Variants in CADPS observed in about 807,000 individuals in gnomAD.
CADPS encodes calcium-dependent secretion activator 1.
In CADPS, 57 loss-of-function variants were observed where a neutral mutation model predicts 167.3. That is an observed-to-expected ratio of 0.34 (90% CI 0.28 to 0.42). CADPS has a LOEUF of 0.42. Among genes scored for constraint, CADPS ranks in the 20% least tolerant of loss-of-function variants. CADPS has a pLI of 1.00. For missense variants in CADPS, 1,414 were observed against 1,738.1 expected (o/e 0.81, Z 3.32); for synonymous variants, 676 against 635.3 (o/e 1.06, Z -0.96).
chr3:62,558,545 A>G (rs905947615), intron 9 of CADPS, among the ~76,000 whole-genome samples: 1 of 152,182 alleles, frequency 6.6e-6, no homozygotes. Context: ...GACACTTTCT[A>G]AGTGAACTTT....
chr3:62,864,038 T>A (rs1447554609), intron 1 of CADPS, among the ~76,000 whole-genome samples: 1 of 152,234 alleles, frequency 6.6e-6, no homozygotes, highest in African/African-American at 2.4e-5. Context: ...CTCACTGAGA[T>A]AAAGTGCTTA....
At chr3:62,530,058 T>C (rs1387369668) in intron 13 of CADPS, among the ~76,000 whole-genome samples, 1 of 152,118 alleles carries the variant, frequency 6.6e-6, no homozygotes, top group African/African-American at 2.4e-5. Flanking sequence ...ATAAACAAAA[T>C]TTTAGAAGTT....
chr3:62,469,644 A>G, intron 24 of CADPS: 1 of 164,210 alleles, frequency 6.1e-6, no homozygotes, highest in Non-Finnish European at 1.3e-5. Flanking sequence ...AGTAGCTAGG[A>G]CTACAGGTGT....
At chr3:62,737,390 C>A (rs1226096541) in intron 3 of CADPS, among the ~76,000 whole-genome samples, 3 of 151,918 alleles carry the variant, frequency 2.0e-5, no homozygotes, top group Non-Finnish European at 4.4e-5. Flanking sequence ...GATTGCTGAG[C>A]CCAGGAGGTA....
chr3:62,796,714 T>C (rs912063188), intron 1 of CADPS, among the ~76,000 whole-genome samples: 1 of 152,178 alleles, frequency 6.6e-6, no homozygotes, highest in African/African-American at 2.4e-5. Flanking sequence ...TTAAATGACC[T>C]GCATAAATAT....
intron 2 of CADPS, among the ~76,000 whole-genome samples, chr3:62,760,945 A>G (rs747897310): frequency 1.3e-5 from 2 of 152,138 alleles, no homozygotes; most frequent in Non-Finnish European, 2.9e-5. Flanking sequence ...GGGATTGTCA[A>G]TTGTAGGACT....
At chr3:62,558,885 A>G (rs374694128) in intron 9 of CADPS, among the ~76,000 whole-genome samples, 2 of 152,228 alleles carry the variant, frequency 1.3e-5, no homozygotes, top group East Asian at 3.9e-4. Context: ...TTCATAAAGG[A>G]ACACATATTA....
chr3:62,652,418 A>T (rs1325437762), intron 4 of CADPS, among the ~76,000 whole-genome samples: 5 of 151,812 alleles, frequency 3.3e-5, no homozygotes, highest in Admixed American at 6.6e-5. Context: ...AAAAAAAAAA[A>T]AAAAATAAGC....
intron 22 of CADPS, among the ~76,000 whole-genome samples, chr3:62,481,076 T>G (rs930716364): frequency 6.6e-6 from 1 of 152,218 alleles, no homozygotes; most frequent in Non-Finnish European, 1.5e-5. Flanking sequence ...ATCTTGTGTT[T>G]CGAGAATTAT....
chr3:62,430,480 G>C (rs551275545), intron 28 of CADPS, among the ~76,000 whole-genome samples: 1 of 152,152 alleles, frequency 6.6e-6, no homozygotes, highest in Middle Eastern at 3.4e-3. Context: ...TGAAGACACT[G>C]GGAATTCGAG....
Position 62,857,192 on chromosome 3 carries a change from G to A in CADPS, c.441+17397C>T, listed in dbSNP as rs147368600. On this transcript the variant is annotated intron_variant, in intron 1 of 29. Coordinates refer to ENST00000383710, the MANE Select transcript of CADPS (RefSeq NM_003716.4). Reference sequence around the variant, plus strand: ...GAATTTGTGAAACAAAGAATATAAAGAGACAATAAATATGTAAAAAAGAAA... The same window carrying A: ...GAATTTGTGAAACAAAGAATATAAAAAGACAATAAATATGTAAAAAAGAAA... Among the ~76,000 whole-genome samples, 596 of 152,090 alleles carry A rather than the reference G, an allele frequency of 3.9e-3. 3 individuals carry two copies. The highest frequency in any genetic ancestry group is 0.013 in the African/African-American group (557 of 41,532).
At chr3:62,707,480 T>C (rs749081274) in intron 3 of CADPS, among the ~76,000 whole-genome samples, 6 of 152,152 alleles carry the variant, frequency 3.9e-5, no homozygotes, top group Admixed American at 6.5e-5. Context: ...TAGTAAGTAC[T>C]GAATAAACCC....
chr3:62,531,097 G>A (rs1446053171), intron 13 of CADPS, among the ~76,000 whole-genome samples: 3 of 152,136 alleles, frequency 2.0e-5, no homozygotes, highest in Non-Finnish European at 4.4e-5. Context: ...TCCAGACAAT[G>A]TGTATCATAA....
intron 9 of CADPS, among the ~76,000 whole-genome samples, chr3:62,569,172 C>G (rs2080836646): frequency 6.6e-6 from 1 of 152,210 alleles, no homozygotes; most frequent in South Asian, 2.1e-4. Flanking sequence ...ACAATCTCAG[C>G]TCACTGCAAC....
Position 62,670,803 on chromosome 3 carries a change from A to G in CADPS, c.889-8409T>C, listed in dbSNP as rs148202836. On this transcript the variant is annotated intron_variant, in intron 3 of 29. Transcript: ENST00000383710. ...CTCCCCTCTTCTTTTCCTTTCTACC[A>G]TTTCAAGTCTGATGTGTCATTCAGA... Among the ~76,000 whole-genome samples the G allele has an allele frequency of 5.9e-5, 9 of 152,102 alleles. No homozygotes were observed. In the East Asian group the frequency reaches 1.7e-3, roughly 29 times the overall value.
At chr3:62,770,297 CCT>C (rs1275250006) in intron 1 of CADPS, among the ~76,000 whole-genome samples, 1 of 152,208 alleles carries the variant, frequency 6.6e-6, no homozygotes, top group Non-Finnish European at 1.5e-5. Flanking sequence ...TGCCCTGCAA[CCT>C]GAGCATTTCC....
intron 7 of CADPS, among the ~76,000 whole-genome samples, chr3:62,587,730 C>T (rs1246977223): frequency 1.3e-5 from 2 of 152,180 alleles, no homozygotes; most frequent in Non-Finnish European, 2.9e-5. Flanking sequence ...ACGCAATAGC[C>T]GCAGCTCATT....
chr3:62,657,784 G>C (rs1308425777), intron 4 of CADPS, among the ~76,000 whole-genome samples: 1 of 152,158 alleles, frequency 6.6e-6, no homozygotes, highest in East Asian at 1.9e-4. Flanking sequence ...GTAAGGAAAA[G>C]TCAGCTTGCT....
At chr3:62,763,295 G>C (rs2085988365) in intron 2 of CADPS, among the ~76,000 whole-genome samples, 1 of 152,162 alleles carries the variant, frequency 6.6e-6, no homozygotes, top group Non-Finnish European at 1.5e-5. Flanking sequence ...GTGCTAAACT[G>C]GTAGGATGTG....
Sources: gnomAD v4.1 joint callset for allele counts (sites outside exome capture counted in the v4.1 genomes callset) on GRCh38, gnomAD v4.1.1 for gene constraint, MANE v1.5 for transcripts, NCBI Gene and HGNC (gene_info 2026-07-23, HGNC 2026-07-21) for gene names.